The following SIPA1L3 variants were observed in gnomAD, a reference collection of about 807,000 sequenced individuals.
The protein encoded by SIPA1L3 is signal-induced proliferation-associated 1-like protein 3.
A neutral mutation model predicts 150.1 loss-of-function variants in SIPA1L3; 59 were observed. The observed-to-expected ratio is 0.39, with a 90% CI of 0.32 to 0.49. SIPA1L3 has a LOEUF of 0.49. Ranked by LOEUF, SIPA1L3 falls within the 20% of genes least tolerant of loss-of-function variation. SIPA1L3 has a pLI of 0.86. For missense variants in SIPA1L3, 2,211 were observed against 2,489.5 expected, an observed-to-expected ratio of 0.89 and a Z score of 2.38; for synonymous variants, 1,070 against 1,077.6, an observed-to-expected ratio of 0.99 and a Z score of 0.14.
chr19:38,045,497 G>C (rs1969035009), intron 2 of SIPA1L3, among the ~76,000 whole-genome samples: 2 of 151,920 alleles, frequency 1.3e-5, no homozygotes, highest in African/African-American at 2.4e-5. Context: ...GCTTGAGCCC[G>C]GGGGGTCGAG....
At chr19:38,205,572 C>G (rs2146080063) in intron 21 of SIPA1L3, among the ~76,000 whole-genome samples, 1 of 152,120 alleles carries the variant, frequency 6.6e-6, no homozygotes, top group South Asian at 2.1e-4. Flanking sequence ...GCCGTGGAAT[C>G]AAAGGGGCCC....
chr19:38,141,121 A>G, intron 10 of SIPA1L3, 63 bp from the exon 11 acceptor site: 1 of 1,492,110 alleles, frequency 6.7e-7, no homozygotes, highest in Non-Finnish European at 8.9e-7. Flanking sequence ...AACCCAGCCT[A>G]GACAGCAGGC....
At chr19:38,084,360 G>C (rs1970076312) in intron 3 of SIPA1L3, among the ~76,000 whole-genome samples, 5 of 152,076 alleles carry the variant, frequency 3.3e-5, no homozygotes, top group Admixed American at 3.3e-4. Context: ...CATTGCCAGG[G>C]TCTGAATTTT....
intron 1 of SIPA1L3, among the ~76,000 whole-genome samples, chr19:37,982,999 G>A (rs559812925): frequency 6.6e-6 from 1 of 152,276 alleles, no homozygotes; most frequent in East Asian, 1.9e-4. Context: ...CCTCTACCCC[G>A]ACATCCCAGC....
intron 1 of SIPA1L3, among the ~76,000 whole-genome samples, chr19:37,922,737 C>G (rs1331534949): frequency 6.6e-6 from 1 of 151,936 alleles, no homozygotes; most frequent in Non-Finnish European, 1.5e-5. Context: ...GAGCACTGTT[C>G]TAGATACCAG....
intron 1 of SIPA1L3, among the ~76,000 whole-genome samples, chr19:37,987,187 C>T (rs936910343): frequency 1.1e-4 from 16 of 152,238 alleles, no homozygotes; most frequent in African/African-American, 3.4e-4. Flanking sequence ...CTCAGCCTCC[C>T]AAAGCACTGG....
intron 13 of SIPA1L3, among the ~76,000 whole-genome samples, chr19:38,155,714 C>A (rs571964899): frequency 6.6e-6 from 1 of 152,288 alleles, no homozygotes; most frequent in South Asian, 2.1e-4. Context: ...CCAGCTCCCC[C>A]AGATGCTGTG....
At chr19:37,963,296 T>A (rs533135496) in intron 1 of SIPA1L3, among the ~76,000 whole-genome samples, 1 of 152,344 alleles carries the variant, frequency 6.6e-6, no homozygotes, top group African/African-American at 2.4e-5. Context: ...TCTCTGGAGC[T>A]TGTGTGCAAC....
intron 2 of SIPA1L3, among the ~76,000 whole-genome samples, chr19:38,078,879 T>C (rs757519274): frequency 1.3e-5 from 2 of 152,190 alleles, no homozygotes; most frequent in Non-Finnish European, 2.9e-5. Flanking sequence ...GATTTTCATC[T>C]TCTAGAAGTT....
At chr19:37,956,259 C>A (rs990141304) in intron 1 of SIPA1L3, among the ~76,000 whole-genome samples, 1 of 152,146 alleles carries the variant, frequency 6.6e-6, no homozygotes, top group South Asian at 2.1e-4. Context: ...TCTCTGATGA[C>A]TAATGCTGTT....
At chr19:37,916,757 C>G (rs1281193302) in intron 1 of SIPA1L3, among the ~76,000 whole-genome samples, 1 of 152,002 alleles carries the variant, frequency 6.6e-6, no homozygotes, top group Non-Finnish European at 1.5e-5. Context: ...TTCAGGAGTT[C>G]GAGACCAGCC....
intron 6 of SIPA1L3, among the ~76,000 whole-genome samples, chr19:38,105,461 C>T (rs1970601807): frequency 6.6e-6 from 1 of 152,178 alleles, no homozygotes; most frequent in Non-Finnish European, 1.5e-5. Context: ...GGCACTCCCT[C>T]TCCATGCCTC....
chr19:38,175,925 A>G (rs920827928), intron 15 of SIPA1L3, among the ~76,000 whole-genome samples: 2 of 151,980 alleles, frequency 1.3e-5, no homozygotes, highest in Non-Finnish European at 2.9e-5. Flanking sequence ...AAGAACGTTC[A>G]GGCTGGGCGC....
intron 1 of SIPA1L3, among the ~76,000 whole-genome samples, chr19:38,004,944 C>A (rs1393641492): frequency 6.6e-6 from 1 of 152,226 alleles, no homozygotes; most frequent in Non-Finnish European, 1.5e-5. Context: ...GAGCAATACA[C>A]GTTTCAGTAC....
chr19:37,961,640 A>G (rs2046859407), intron 1 of SIPA1L3, among the ~76,000 whole-genome samples: 1 of 152,030 alleles, frequency 6.6e-6, no homozygotes. Context: ...GCCTTCTTGG[A>G]TGTGTAAACT....
In SIPA1L3 at chr19:38,077,661, C is replaced by CTTTTTTTTTTTTTTTTTTTTTTTTTTTT. The variant is rs58788182; in HGVS notation, c.-310-3568_-310-3567insTTTTTTTTTTTTTTTTTTTTTTTTTTTT. On this transcript the variant is annotated intron_variant, in intron 2 of 21. Coordinates refer to ENST00000222345, the MANE Select transcript of SIPA1L3 (RefSeq NM_015073.3). Reference sequence around the variant, plus strand: ...TTTTTTCTTTTTTCTTTTTCTTTTTCTTTTTTTTTTTTTTTTTTTTTTTTT... The same window carrying CTTTTTTTTTTTTTTTTTTTTTTTTTTTT: ...TTTTTTCTTTTTTCTTTTTCTTTTTCTTTTTTTTTTTTTTTTTTTTTTTTTTTTTTTTTTTTTTTTTTTTTTTTTTTTT... Among the ~76,000 whole-genome samples the CTTTTTTTTTTTTTTTTTTTTTTTTTTTT allele has an allele frequency of 9.3e-5, 6 of 64,348 alleles. 1 individual carries two copies. The highest frequency in any genetic ancestry group is 1.8e-4 in the African/African-American group (3 of 16,950). 42.2% of individuals were successfully genotyped at this position (64,348 alleles called of 152,430 possible). A position where few individuals can be genotyped will look rare whatever the true frequency, so the allele number is the denominator to read the frequency against.
At chr19:38,037,825 C>T (rs1968825451) in intron 2 of SIPA1L3, among the ~76,000 whole-genome samples, 1 of 152,190 alleles carries the variant, frequency 6.6e-6, no homozygotes, top group African/African-American at 2.4e-5. Flanking sequence ...TTCATGCAGA[C>T]TTAAGCAGTC....
rs1367872442 is a variant in SIPA1L3 at position 38,044,574 on chromosome 19, CG to C, written c.-311+15422del. 2.6e-5 allele frequency among the ~76,000 whole-genome samples: 4 copies of C among 152,246 alleles called. No homozygotes were observed. The East Asian group carries it at 5.8e-4, about 22-fold the overall frequency. Reference sequence around the variant, plus strand: ...CTGAAGGGAGCAGGTTCAAGAGAGACGGGGCTTTGTTGAGGCCTGTGAAGGT... The same window carrying C: ...CTGAAGGGAGCAGGTTCAAGAGAGACGGGCTTTGTTGAGGCCTGTGAAGGT... On this transcript the variant is annotated intron_variant, in intron 2 of 21. Coordinates refer to ENST00000222345, the MANE Select transcript of SIPA1L3 (RefSeq NM_015073.3).
chr19:37,951,005 A>G (rs1328805276), intron 1 of SIPA1L3, among the ~76,000 whole-genome samples: 2 of 152,170 alleles, frequency 1.3e-5, no homozygotes, highest in African/African-American at 2.4e-5. Flanking sequence ...CCCTACAACC[A>G]TTCACCATTC....
Sources: allele counts gnomAD v4.1 joint callset (sites outside exome capture counted in the v4.1 genomes callset), GRCh38; gene constraint gnomAD v4.1.1; transcripts MANE v1.5; gene names NCBI Gene and HGNC (gene_info 2026-07-23, HGNC 2026-07-21).